The following GPC6 variants were observed in gnomAD, a reference collection of about 807,000 sequenced individuals.
The protein encoded by GPC6 is glypican-6.
In GPC6, 14 loss-of-function variants were observed where a neutral mutation model predicts 55.2. The observed-to-expected ratio is 0.25, with a 90% CI of 0.17 to 0.40. The LOEUF is 0.40. Ranked by LOEUF, GPC6 falls within the 10% of genes least tolerant of loss-of-function variation. The pLI is 1.00. For missense variants in GPC6, 641 were observed against 708.5 expected, an observed-to-expected ratio of 0.90 and a Z score of 1.08; for synonymous variants, 278 against 259.6, an observed-to-expected ratio of 1.07 and a Z score of -0.68.
At chr13:93,331,049 T>C (rs1879825104) in intron 1 of GPC6, among the ~76,000 whole-genome samples, 1 of 152,196 alleles carries the variant, frequency 6.6e-6, no homozygotes, top group African/African-American at 2.4e-5. Flanking sequence ...ATGCTCACTG[T>C]ATTTCCAGGA....
intron 1 of GPC6, among the ~76,000 whole-genome samples, chr13:93,250,267 A>G (rs892681525): frequency 6.6e-6 from 1 of 152,216 alleles, no homozygotes; most frequent in Non-Finnish European, 1.5e-5. Context: ...AGAGGAGGAA[A>G]TAAATCTCTT....
intron 3 of GPC6, among the ~76,000 whole-genome samples, chr13:93,863,797 A>T (rs1888883671): frequency 6.6e-6 from 1 of 151,696 alleles, no homozygotes; most frequent in South Asian, 2.1e-4. Flanking sequence ...TCATTCTTAG[A>T]TTGACAAAGT....
intron 4 of GPC6, among the ~76,000 whole-genome samples, chr13:94,138,521 T>G (rs1887263508): frequency 6.6e-6 from 1 of 152,204 alleles, no homozygotes. Flanking sequence ...TTGCTTTGTC[T>G]TCTTTGAGAC....
intron 6 of GPC6, among the ~76,000 whole-genome samples, chr13:94,326,956 C>T (rs1290447845): frequency 1.3e-5 from 2 of 152,224 alleles, no homozygotes; most frequent in Admixed American, 6.5e-5. Context: ...GGAGGGTCTA[C>T]CTCCAGCTCC....
At chr13:94,050,747 C>A (rs1883918625) in intron 4 of GPC6, among the ~76,000 whole-genome samples, 1 of 152,112 alleles carries the variant, frequency 6.6e-6, no homozygotes, top group African/African-American at 2.4e-5. Flanking sequence ...AGAAATTTGC[C>A]AATCCTCTTA....
At chr13:93,640,921 T>C (rs1282351764) in intron 2 of GPC6, among the ~76,000 whole-genome samples, 1 of 151,562 alleles carries the variant, frequency 6.6e-6, no homozygotes, top group Non-Finnish European at 1.5e-5. Flanking sequence ...TTTTTCTCTT[T>C]CCGTTTTCCT....
intron 2 of GPC6, among the ~76,000 whole-genome samples, chr13:93,716,881 A>AATTTTTT (rs1883269079): frequency 6.6e-6 from 1 of 151,688 alleles, no homozygotes; most frequent in South Asian, 2.1e-4. Context: ...TTTATCTTTT[A>AATTTTTT]TACCATATAT....
intron 4 of GPC6, among the ~76,000 whole-genome samples, chr13:94,284,206 G>A (rs2139081638): frequency 6.6e-6 from 1 of 152,244 alleles, no homozygotes; most frequent in African/African-American, 2.4e-5. Flanking sequence ...GGTCAAAGAA[G>A]AGCCACCATT....
Position 94,407,610 on chromosome 13 carries a change from G to C in GPC6, c.*4393G>C, listed in dbSNP as rs1250536054. Among the ~76,000 whole-genome samples, 1 of 152,142 alleles carries C rather than the reference G, an allele frequency of 6.6e-6. No individual in the cohort carries two copies. The highest frequency in any genetic ancestry group is 2.4e-5 in the African/African-American group (1 of 41,448). On this transcript the variant is annotated 3_prime_UTR_variant, in exon 9 of 9. Transcript: ENST00000377047. ...TTAGAACATTTAGAGCTTCCCAAAT[G>C]TGTATGGAAAATACTGTAGCGCTGT...
chr13:93,330,162 G>C (rs1201578738), intron 1 of GPC6, among the ~76,000 whole-genome samples: 3 of 152,182 alleles, frequency 2.0e-5, no homozygotes, highest in African/African-American at 4.8e-5. Context: ...TTCCTTGGAT[G>C]TTCTGTATCT....
At chr13:93,312,766 A>C (rs1879117680) in intron 1 of GPC6, among the ~76,000 whole-genome samples, 1 of 152,204 alleles carries the variant, frequency 6.6e-6, no homozygotes, top group Admixed American at 6.5e-5. Flanking sequence ...AATACTGCAG[A>C]AACTCAATGG....
chr13:93,791,380 T>G (rs565098819), intron 2 of GPC6, among the ~76,000 whole-genome samples: 1 of 152,362 alleles, frequency 6.6e-6, no homozygotes, highest in East Asian at 1.9e-4. Flanking sequence ...TTTAAAGATG[T>G]AATTTTTTCC....
Position 93,424,400 on chromosome 13 carries a change from C to T in GPC6, c.161-120863C>T, listed in dbSNP as rs143880071. On this transcript the variant is annotated intron_variant, in intron 1 of 8. Transcript: ENST00000377047. ...TAAGGTTGGATCCCGGAGAGAAACT[C>T]GGCTGTAAGCTGTTGGCAGCCAACC... Among the ~76,000 whole-genome samples, 1,107 of 152,120 alleles carry T rather than the reference C, an allele frequency of 7.3e-3. 10 individuals are homozygous for T. Among genetic ancestry groups the T allele is most frequent in the African/African-American group, 0.025 (1,058 of 41,526 alleles).
At chr13:93,256,298 T>C (rs1368305400) in intron 1 of GPC6, among the ~76,000 whole-genome samples, 1 of 152,080 alleles carries the variant, frequency 6.6e-6, no homozygotes, top group African/African-American at 2.4e-5. Context: ...AATGACAGTA[T>C]GATTAAAAGT....
intron 3 of GPC6, among the ~76,000 whole-genome samples, chr13:94,002,589 T>A (rs1594657460): frequency 1.3e-5 from 2 of 152,134 alleles, no homozygotes; most frequent in East Asian, 3.8e-4. Context: ...AGTAGGGATG[T>A]AAAAGCAAAG....
chr13:93,573,323 G>A (rs1157963409), intron 2 of GPC6, among the ~76,000 whole-genome samples: 1 of 151,968 alleles, frequency 6.6e-6, no homozygotes, highest in African/African-American at 2.4e-5. Flanking sequence ...GCAATGTTAT[G>A]GATAATGTGT....
At chr13:93,563,198 C>T (rs1288659450) in intron 2 of GPC6, among the ~76,000 whole-genome samples, 1 of 151,962 alleles carries the variant, frequency 6.6e-6, no homozygotes, top group African/African-American at 2.4e-5. Flanking sequence ...ATATGATCCA[C>T]TTAATTATGA....
intron 2 of GPC6, among the ~76,000 whole-genome samples, chr13:93,597,007 C>CAAAAAAAAAAAAAAAA (rs10709473): frequency 8.8e-5 from 6 of 68,046 alleles, no homozygotes; most frequent in South Asian, 7.2e-4. Flanking sequence ...TCAAATCTGG[C>CAAAAAAAAAAAAAAAA]AAAAAAAAAA....
At chr13:93,539,463 G>T (rs1371484432) in intron 1 of GPC6, among the ~76,000 whole-genome samples, 3 of 152,092 alleles carry the variant, frequency 2.0e-5, no homozygotes, top group Non-Finnish European at 1.5e-5. Flanking sequence ...ATCTCGGAAA[G>T]AATTTATTAT....
Sources: gnomAD v4.1 joint callset for allele counts (sites outside exome capture counted in the v4.1 genomes callset) on GRCh38, gnomAD v4.1.1 for gene constraint, MANE v1.5 for transcripts, NCBI Gene and HGNC (gene_info 2026-07-23, HGNC 2026-07-21) for gene names.